The following MNAT1 variants were observed in gnomAD, a reference collection of about 807,000 sequenced individuals.
The protein encoded by MNAT1 is MNAT1 component of CDK activating kinase.
MNAT1 carries 43 observed loss-of-function variants against 42.0 expected under a neutral mutation model. The observed-to-expected ratio is 1.02, with a 90% CI of 0.80 to 1.32. The LOEUF (loss-of-function observed/expected upper bound fraction) is 1.32, where lower values mean the gene tolerates loss of function less well. Among genes scored for constraint, MNAT1 ranks in the 40% most tolerant of loss-of-function variants. The probability of loss-of-function intolerance (pLI) is 0.00; values close to 1 mark genes in which losing one functional copy is unlikely to be tolerated. For synonymous variants in MNAT1, 118 were observed against 120.0 expected (o/e 0.98, Z 0.11); for missense variants, 306 against 350.4 (o/e 0.87, Z 1.01).
chr14:60,778,358 G>A (rs1382960231), intron 1 of MNAT1, among the ~76,000 whole-genome samples: 1 of 152,124 alleles, frequency 6.6e-6, no homozygotes, highest in Non-Finnish European at 1.5e-5. Context: ...CAACATACAT[G>A]GTAGTTGGCA....
intron 7 of MNAT1, among the ~76,000 whole-genome samples, chr14:60,895,757 C>G (rs1196048187): frequency 6.6e-6 from 1 of 152,132 alleles, no homozygotes; most frequent in African/African-American, 2.4e-5. Context: ...CATAGTGAGA[C>G]TCTGTCTCAA....
chr14:60,924,385 A>T lies in MNAT1; in HGVS notation c.810-43844A>T, dbSNP rs1158691022. ...GCTTTTCAAATTCAGTGCCTGTTTA[A>T]AAAAAAAAAAAAAAAAACTGTACTC... On this transcript the variant is annotated intron_variant, in intron 7 of 7. Coordinates refer to ENST00000261245, the MANE Select transcript of MNAT1 (RefSeq NM_002431.4). 1.0e-3 allele frequency among the ~76,000 whole-genome samples: 10 copies of T among 9,948 alleles called. No homozygotes were observed. The Non-Finnish European group carries it at 0.054, about 54-fold the overall frequency. 6.5% of individuals were successfully genotyped at this position (9,948 alleles called of 152,430 possible).
At chr14:60,916,887 G>A (rs2035528973) in intron 7 of MNAT1, among the ~76,000 whole-genome samples, 2 of 151,972 alleles carry the variant, frequency 1.3e-5, no homozygotes, top group African/African-American at 4.8e-5. Context: ...TGGGAGGCGG[G>A]GGTTGCAGTG....
At chr14:60,927,604 A>T (rs1341808787) in intron 7 of MNAT1, among the ~76,000 whole-genome samples, 1 of 152,120 alleles carries the variant, frequency 6.6e-6, no homozygotes, top group East Asian at 1.9e-4. Flanking sequence ...TTATGTTTAG[A>T]TTTATCGTTT....
At chr14:60,859,861 A>G (rs1594809914) in intron 6 of MNAT1, among the ~76,000 whole-genome samples, 1 of 152,286 alleles carries the variant, frequency 6.6e-6, no homozygotes, top group South Asian at 2.1e-4. Context: ...GAGCTTATTG[A>G]TACTATGTTA....
chr14:60,779,176 G>T (rs1219042388), intron 1 of MNAT1, among the ~76,000 whole-genome samples: 1 of 152,202 alleles, frequency 6.6e-6, no homozygotes, highest in Admixed American at 6.5e-5. Flanking sequence ...GGACAGAGAA[G>T]AATATGTCTG....
intron 4 of MNAT1, among the ~76,000 whole-genome samples, chr14:60,811,212 TTGA>T (rs1322270439): frequency 6.6e-6 from 1 of 152,060 alleles, no homozygotes; most frequent in African/African-American, 2.4e-5. Flanking sequence ...TTATATTCTG[TTGA>T]TGATCACTCC....
chr14:60,835,958 C>T (rs575494478), intron 6 of MNAT1, among the ~76,000 whole-genome samples: 14 of 152,148 alleles, frequency 9.2e-5, no homozygotes, highest in South Asian at 6.2e-4. Flanking sequence ...TCTCTAATCT[C>T]GTCTTCACAC....
chr14:60,927,273 G>A (rs2035786715), intron 7 of MNAT1, among the ~76,000 whole-genome samples: 1 of 152,190 alleles, frequency 6.6e-6, no homozygotes. Context: ...ACAAAGGGTA[G>A]ACATGCAGAG....
At chr14:60,877,762 A>G (rs961245794) in intron 6 of MNAT1, among the ~76,000 whole-genome samples, 9 of 152,108 alleles carry the variant, frequency 5.9e-5, no homozygotes, top group East Asian at 1.9e-4. Context: ...GTAAATCTCA[A>G]TGTAATGATA....
chr14:60,911,842 T>C (rs367836342), intron 7 of MNAT1, among the ~76,000 whole-genome samples: 1 of 151,954 alleles, frequency 6.6e-6, no homozygotes, highest in Non-Finnish European at 1.5e-5. Context: ...TAGGTCCGCT[T>C]GGTGCAGAGC....
intron 6 of MNAT1, among the ~76,000 whole-genome samples, chr14:60,824,691 T>G (rs2032999825): frequency 6.6e-6 from 1 of 152,206 alleles, no homozygotes; most frequent in Admixed American, 6.5e-5. Flanking sequence ...AAATGTTAAC[T>G]TCATATGATT....
At chr14:60,793,932 A>T (rs1052066036) in intron 1 of MNAT1, among the ~76,000 whole-genome samples, 10 of 152,290 alleles carry the variant, frequency 6.6e-5, no homozygotes, top group Non-Finnish European at 1.3e-4. Context: ...AAAAAATTTT[A>T]ATACTATTTA....
intron 6 of MNAT1, among the ~76,000 whole-genome samples, chr14:60,878,954 G>A (rs2034490769): frequency 6.6e-6 from 1 of 152,082 alleles, no homozygotes; most frequent in African/African-American, 2.4e-5. Flanking sequence ...AATTGTGTAA[G>A]CTGAACCAGC....
At chr14:60,952,557 CTGG>C (rs2036402975) in intron 7 of MNAT1, among the ~76,000 whole-genome samples, 1 of 152,102 alleles carries the variant, frequency 6.6e-6, no homozygotes, top group African/African-American at 2.4e-5. Context: ...AGGTTTCACA[CTGG>C]TATTCAGGAG....
intron 3 of MNAT1, among the ~76,000 whole-genome samples, chr14:60,799,807 G>C (rs2032144607): frequency 6.6e-6 from 1 of 151,982 alleles, no homozygotes; most frequent in Non-Finnish European, 1.5e-5. Flanking sequence ...CCCATAATTG[G>C]TACTAGAATT....
At chr14:60,882,184 A>G (rs188576220) in intron 7 of MNAT1, among the ~76,000 whole-genome samples, 2 of 152,008 alleles carry the variant, frequency 1.3e-5, no homozygotes, top group East Asian at 3.9e-4. Context: ...ACTGGTTCCT[A>G]TTCATTCTAA....
chr14:60,801,062 A>G (rs1291317048), intron 3 of MNAT1, among the ~76,000 whole-genome samples: 1 of 152,180 alleles, frequency 6.6e-6, no homozygotes, highest in Non-Finnish European at 1.5e-5. Context: ...CAATTAACCT[A>G]GCACTGGGAA....
chr14:60,942,003 C>CAAAAAAAAAAAAAAAAAAAAA (rs3080602), intron 7 of MNAT1, among the ~76,000 whole-genome samples: 1 of 29,938 alleles, frequency 3.3e-5, no homozygotes, highest in African/African-American at 1.9e-4. Flanking sequence ...GGCTCCATCT[C>CAAAAAAAAAAAAAAAAAAAAA]AAAAAAAAAA....
Sources: allele counts gnomAD v4.1 joint callset (sites outside exome capture counted in the v4.1 genomes callset), GRCh38; gene constraint gnomAD v4.1.1; transcripts MANE v1.5; gene names NCBI Gene and HGNC (gene_info 2026-07-23, HGNC 2026-07-21).